Variants in FGF14 observed in about 807,000 individuals in gnomAD.
FGF14 encodes fibroblast growth factor homologous factor 4.
A neutral mutation model predicts 25.5 loss-of-function variants in FGF14; 5 were observed. The observed-to-expected ratio is 0.20, with a 90% CI of 0.10 to 0.41. The LOEUF is 0.41. FGF14 is among the 10% of genes least tolerant of loss of function. The probability of loss-of-function intolerance (pLI) is 1.00; values close to 1 mark genes in which losing one functional copy is unlikely to be tolerated. For synonymous variants in FGF14, 138 were observed against 118.3 expected (o/e 1.17, Z -1.08); for missense variants, 222 against 320.1 (o/e 0.69, Z 2.34).
At chr13:101,946,060 T>C (rs771771337) in intron 1 of FGF14, among the ~76,000 whole-genome samples, 2 of 152,192 alleles carry the variant, frequency 1.3e-5, no homozygotes, top group African/African-American at 2.4e-5. Flanking sequence ...TCATTTCCCT[T>C]ATTCAAACTA....
At chr13:101,968,854 C>CTTTTTTTT (rs10623595) in intron 1 of FGF14, among the ~76,000 whole-genome samples, 1 of 132,114 alleles carries the variant, frequency 7.6e-6, no homozygotes, top group African/African-American at 2.8e-5. Flanking sequence ...CATCAACAGC[C>CTTTTTTTT]TTTTTTTTTT....
At chr13:102,229,387 T>G (rs1250329574) in intron 1 of FGF14, among the ~76,000 whole-genome samples, 1 of 152,210 alleles carries the variant, frequency 6.6e-6, no homozygotes, top group Non-Finnish European at 1.5e-5. Flanking sequence ...AGAACGACTA[T>G]TATCACCGTT....
At chr13:101,856,295 A>T (rs1477326289) in intron 3 of FGF14, among the ~76,000 whole-genome samples, 1 of 151,882 alleles carries the variant, frequency 6.6e-6, no homozygotes, top group Non-Finnish European at 1.5e-5. Context: ...AGAAATATAG[A>T]TTTCTAATTG....
chr13:102,203,080 C>T (rs1324180430), intron 1 of FGF14, among the ~76,000 whole-genome samples: 1 of 152,146 alleles, frequency 6.6e-6, no homozygotes, highest in Non-Finnish European at 1.5e-5. Flanking sequence ...TATGAAGAGC[C>T]ACAGCCACCA....
chr13:101,761,955 A>T (rs115867151), intron 3 of FGF14, among the ~76,000 whole-genome samples: 413 of 152,262 alleles, frequency 2.7e-3, no homozygotes, highest in African/African-American at 9.0e-3. Context: ...TTAGAATTGG[A>T]CAGGAACCAG....
chr13:102,303,517 T>C (rs1013120196), intron 1 of FGF14, among the ~76,000 whole-genome samples: 1 of 152,212 alleles, frequency 6.6e-6, no homozygotes, highest in Non-Finnish European at 1.5e-5. Flanking sequence ...AAGATATTTA[T>C]ATGAATAATC....
At chr13:102,145,132 AG>A (rs539235782) in intron 1 of FGF14, among the ~76,000 whole-genome samples, 78 of 152,308 alleles carry the variant, frequency 5.1e-4, no homozygotes, top group African/African-American at 1.8e-3. Flanking sequence ...TGTTGTTCAA[AG>A]TATTGTGGGT....
intron 1 of FGF14, among the ~76,000 whole-genome samples, chr13:102,183,785 A>C (rs745973094): frequency 1.1e-4 from 16 of 152,192 alleles, no homozygotes; most frequent in Non-Finnish European, 1.9e-4. Flanking sequence ...CCTAGATTCA[A>C]GCCCTCTCTC....
Position 101,714,465 on chromosome 13 carries a change from G to A in FGF14, c.*8366C>T. On this transcript the variant is annotated 3_prime_UTR_variant, in exon 5 of 5. Transcript: ENST00000376143. ...TCTTGTCATTGTGGGAAGTGCATTT[G>A]TTCTGCTGAAGAGTGGTATATTTCT... is the stretch of plus-strand genomic sequence containing the variant. 1 of 1,611,052 alleles carries A rather than the reference G, an allele frequency of 6.2e-7. No individual in the cohort carries two copies. Among genetic ancestry groups the A allele is most frequent in the Admixed American group, 1.7e-5 (1 of 60,012 alleles).
intron 1 of FGF14, among the ~76,000 whole-genome samples, chr13:101,940,686 CTCAAG>C (rs2139312370): frequency 6.6e-6 from 1 of 152,294 alleles, no homozygotes; most frequent in East Asian, 1.9e-4. Flanking sequence ...TCTCTGTCTG[CTCAAG>C]TCTTTTGTCA....
chr13:102,066,215 A>G (rs973377541), intron 1 of FGF14, among the ~76,000 whole-genome samples: 1 of 152,162 alleles, frequency 6.6e-6, no homozygotes, highest in African/African-American at 2.4e-5. Flanking sequence ...ATAGGAGGAT[A>G]ATTCATAGTG....
At chr13:101,989,319 AT>A (rs2038770501) in intron 1 of FGF14, among the ~76,000 whole-genome samples, 1 of 152,100 alleles carries the variant, frequency 6.6e-6, no homozygotes, top group Admixed American at 6.6e-5. Context: ...TTTTAAGTGG[AT>A]TTTTATGCCT....
chr13:102,051,703 G>C (rs1265809342), intron 1 of FGF14, among the ~76,000 whole-genome samples: 1 of 152,100 alleles, frequency 6.6e-6, no homozygotes, highest in Admixed American at 6.5e-5. Context: ...ACCCTTACTG[G>C]TGTCAGAACT....
At chr13:102,290,735 G>A (rs1047232767) in intron 1 of FGF14, among the ~76,000 whole-genome samples, 4 of 152,104 alleles carry the variant, frequency 2.6e-5, no homozygotes, top group African/African-American at 4.8e-5. Flanking sequence ...GTACAGCCCC[G>A]AGCTAGGTCC....
rs140623334 is a variant in FGF14, at chr13:102,357,448, A to G, written c.208+44023T>C. ...CCAGAAATAACAGAATAAGAACTCC[A>G]GAATTAAATATTTTAATATTTATTT... On this transcript the variant is annotated intron_variant, in intron 1 of 4. Transcript: ENST00000376131. Among the ~76,000 whole-genome samples the G allele has an allele frequency of 2.0e-3, 305 of 152,318 alleles. 4 individuals carry two copies. Among genetic ancestry groups the G allele is most frequent in the African/African-American group, 6.8e-3 (284 of 41,582 alleles).
At chr13:102,359,202 T>G (rs1245577770) in intron 1 of FGF14, among the ~76,000 whole-genome samples, 2 of 151,998 alleles carry the variant, frequency 1.3e-5, no homozygotes, top group Admixed American at 1.3e-4. Context: ...TCAAGATAAA[T>G]AGCTAATGCA....
intron 3 of FGF14, among the ~76,000 whole-genome samples, chr13:101,846,087 A>G (rs1018913206): frequency 2.6e-4 from 39 of 152,038 alleles, no homozygotes; most frequent in African/African-American, 9.2e-4. Flanking sequence ...TAGTGCTACC[A>G]TGATACCTAA....
intron 1 of FGF14, among the ~76,000 whole-genome samples, chr13:102,307,687 A>T (rs2138638994): frequency 6.6e-6 from 1 of 152,140 alleles, no homozygotes; most frequent in African/African-American, 2.4e-5. Context: ...GCACTGTACC[A>T]ATCATTTTCA....
chr13:102,087,230 G>C (rs2043948857), intron 1 of FGF14, among the ~76,000 whole-genome samples: 1 of 152,074 alleles, frequency 6.6e-6, no homozygotes, highest in South Asian at 2.1e-4. Flanking sequence ...GATCCCTAAA[G>C]TGTGAAGATC....
Sources: allele counts gnomAD v4.1 joint callset (sites outside exome capture counted in the v4.1 genomes callset), GRCh38; gene constraint gnomAD v4.1.1; transcripts MANE v1.5; gene names NCBI Gene and HGNC (gene_info 2026-07-23, HGNC 2026-07-21).